Variants in ASTN2 observed in about 807,000 individuals in gnomAD.
ASTN2 encodes astrotactin 2.
Under a neutral mutation model 139.8 loss-of-function variants are expected in ASTN2, and 54 were observed. The ratio of observed to expected loss-of-function variants is 0.39; its 90% CI spans 0.31 to 0.48. The LOEUF is 0.48. Ranked by LOEUF, ASTN2 falls within the 20% of genes least tolerant of loss-of-function variation. ASTN2 has a pLI of 0.95. For synonymous variants in ASTN2, 756 were observed against 719.5 expected, an observed-to-expected ratio of 1.05 and a Z score of -0.81; for missense variants, 1,565 against 1,725.1, an observed-to-expected ratio of 0.91 and a Z score of 1.64.
At chr9:116,979,063 C>A (rs1836436854) in intron 7 of ASTN2, among the ~76,000 whole-genome samples, 1 of 152,066 alleles carries the variant, frequency 6.6e-6, no homozygotes, top group African/African-American at 2.4e-5. Flanking sequence ...ATATATTTGA[C>A]CTTATATGAA....
chr9:117,141,284 C>G (rs374789703), intron 4 of ASTN2, 42 bp downstream of exon 4: 1 of 1,358,764 alleles, frequency 7.4e-7, no homozygotes, highest in African/African-American at 1.5e-5. Context: ...AATCAGAGGA[C>G]AACCTTCTGA....
intron 3 of ASTN2, among the ~76,000 whole-genome samples, chr9:117,185,923 C>A (rs1324984138): frequency 6.6e-6 from 1 of 152,078 alleles, no homozygotes; most frequent in East Asian, 1.9e-4. Flanking sequence ...CTCCATGAAG[C>A]CTGAGACTGT....
chr9:116,807,473 CA>C (rs1241104876), intron 12 of ASTN2, among the ~76,000 whole-genome samples: 1 of 152,212 alleles, frequency 6.6e-6, no homozygotes, highest in Non-Finnish European at 1.5e-5. Flanking sequence ...TTCTAACGTT[CA>C]AATGTTCCTT....
chr9:117,324,755 G>A (rs1428692055), intron 1 of ASTN2, among the ~76,000 whole-genome samples: 1 of 152,160 alleles, frequency 6.6e-6, no homozygotes, highest in African/African-American at 2.4e-5. Context: ...AGAGAGCTGG[G>A]CAGAGGCTGA....
chr9:116,469,108 A>G (rs1480110035), intron 20 of ASTN2, among the ~76,000 whole-genome samples: 1 of 152,216 alleles, frequency 6.6e-6, no homozygotes, highest in Admixed American at 6.5e-5. Flanking sequence ...TGTCTCGTTC[A>G]TCTCTGGGTT....
chr9:117,285,423 G>A lies in ASTN2; in HGVS notation c.630+5903C>T, dbSNP rs12375997. Among the ~76,000 whole-genome samples, 598 of 151,730 alleles carry A rather than the reference G, an allele frequency of 3.9e-3. 2 individuals are homozygous for A. The highest frequency in any genetic ancestry group is 0.01 in the Middle Eastern group (3 of 292). The stretch of plus-strand genomic sequence containing the variant: ...TATGCTATGAATGAAAAAACGTCAC[G>A]GTTGGAGCAATGATATAAAGCCATC... On this transcript the variant is annotated intron_variant, in intron 2 of 22. Coordinates refer to ENST00000313400, the MANE Select transcript of ASTN2 (RefSeq NM_001365068.1).
intron 7 of ASTN2, among the ~76,000 whole-genome samples, chr9:116,988,698 A>G (rs1183880581): frequency 1.3e-5 from 2 of 152,262 alleles, no homozygotes; most frequent in East Asian, 3.9e-4. Context: ...TGTACCATAT[A>G]AAATGAATGA....
intron 2 of ASTN2, among the ~76,000 whole-genome samples, chr9:117,221,454 A>G (rs1572308): frequency 0.99 from 150,898 of 152,332 alleles, 74,754 homozygotes; most frequent in East Asian, 1. Flanking sequence ...TGTGTCATTC[A>G]GAAACTGATT....
At chr9:116,832,597 T>A (rs908750124) in intron 11 of ASTN2, among the ~76,000 whole-genome samples, 1 of 152,124 alleles carries the variant, frequency 6.6e-6, no homozygotes, top group African/African-American at 2.4e-5. Flanking sequence ...CAAATGTTTT[T>A]CTTGTATCCA....
intron 3 of ASTN2, among the ~76,000 whole-genome samples, chr9:117,154,215 T>C (rs1428510627): frequency 6.6e-6 from 1 of 152,100 alleles, no homozygotes; most frequent in Non-Finnish European, 1.5e-5. Flanking sequence ...GCTAAATATA[T>C]AGACAATAAT....
At chr9:116,438,219 C>A (rs961422664) in intron 22 of ASTN2, among the ~76,000 whole-genome samples, 6 of 152,224 alleles carry the variant, frequency 3.9e-5, no homozygotes, top group Non-Finnish European at 5.9e-5. Flanking sequence ...ACAACAGCCT[C>A]TAGAGCCTCA....
At chr9:116,664,195 T>C (rs754858969) in intron 16 of ASTN2, among the ~76,000 whole-genome samples, 1 of 152,008 alleles carries the variant, frequency 6.6e-6, no homozygotes, top group South Asian at 2.1e-4. Flanking sequence ...TAATCACAAA[T>C]ATATTTTACT....
At chr9:117,061,682 G>C (rs1839298134) in intron 5 of ASTN2, among the ~76,000 whole-genome samples, 1 of 152,186 alleles carries the variant, frequency 6.6e-6, no homozygotes, top group Non-Finnish European at 1.5e-5. Context: ...ATTAATGTCA[G>C]TCTGGGCTGT....
intron 1 of ASTN2, among the ~76,000 whole-genome samples, chr9:117,378,294 C>T (rs899270273): frequency 1.3e-5 from 2 of 152,110 alleles, no homozygotes; most frequent in African/African-American, 4.8e-5. Context: ...AGTGTTTCCA[C>T]CATCTTCAAG....
intron 10 of ASTN2, among the ~76,000 whole-genome samples, chr9:116,927,857 C>T (rs1357825723): frequency 6.6e-6 from 1 of 152,204 alleles, no homozygotes; most frequent in African/African-American, 2.4e-5. Flanking sequence ...TTGTACTGCC[C>T]TGTTGCTGCA....
chr9:117,295,147 G>A, intron 1 of ASTN2, among the ~76,000 whole-genome samples: 1 of 151,900 alleles, frequency 6.6e-6, no homozygotes, highest in East Asian at 1.9e-4. Context: ...CATGGTGAAA[G>A]CCCATCTCTA....
chr9:116,479,970 G>T (rs1346575821), intron 20 of ASTN2, among the ~76,000 whole-genome samples: 1 of 152,152 alleles, frequency 6.6e-6, no homozygotes, highest in Non-Finnish European at 1.5e-5. Flanking sequence ...TAACCTCTCT[G>T]TGCCTTAGTT....
At chr9:116,909,567 C>T (rs530861048) in intron 10 of ASTN2, among the ~76,000 whole-genome samples, 17 of 152,254 alleles carry the variant, frequency 1.1e-4, no homozygotes, top group African/African-American at 3.9e-4. Context: ...GAGGCATTTA[C>T]GATGAGATTG....
intron 19 of ASTN2, among the ~76,000 whole-genome samples, chr9:116,565,675 G>T (rs576811041): frequency 6.6e-6 from 1 of 151,686 alleles, no homozygotes; most frequent in African/African-American, 2.4e-5. Flanking sequence ...CAGAGACAGG[G>T]TCTCGCCATG....
Sources: gnomAD v4.1 joint callset for allele counts (sites outside exome capture counted in the v4.1 genomes callset) on GRCh38, gnomAD v4.1.1 for gene constraint, MANE v1.5 for transcripts, NCBI Gene and HGNC (gene_info 2026-07-23, HGNC 2026-07-21) for gene names.